The following ANK2 variants were observed in gnomAD, a reference collection of about 807,000 sequenced individuals.
ANK2 encodes ankyrin-2.
Under a neutral mutation model 360.5 loss-of-function variants are expected in ANK2, and 83 were observed. That is an observed-to-expected ratio of 0.23 (90% CI 0.19 to 0.28). The LOEUF is 0.28. Among genes scored for constraint, ANK2 ranks in the 10% least tolerant of loss-of-function variants. The pLI, the probability that ANK2 is intolerant of heterozygous loss-of-function variation, is 1.00. For synonymous variants in ANK2, 1,740 were observed against 1,759.5 expected (o/e 0.99, Z 0.28); for missense variants, 4,201 against 4,795.7 (o/e 0.88, Z 3.66).
At chr4:113,152,490 C>T (rs183484967) in intron 1 of ANK2, 3 of 152,230 alleles carry the variant, frequency 2.0e-5, no homozygotes, top group Non-Finnish European at 4.4e-5. Context: ...AAGGGTTTCT[C>T]TGTGAAATCT....
intron 42 of ANK2, among the ~76,000 whole-genome samples, chr4:113,368,234 A>G (rs567156409): frequency 6.0e-4 from 92 of 152,342 alleles, no homozygotes; most frequent in Non-Finnish European, 1.0e-3. Flanking sequence ...ATGACTTATA[A>G]TATTGCTGCA....
In ANK2 at chr4:113,369,928, C is replaced by T. The variant is rs918114626; in HGVS notation, c.11610+123C>T. On this transcript the variant is annotated intron_variant, in intron 43 of 45. Coordinates refer to ENST00000357077, the MANE Select transcript of ANK2 (RefSeq NM_001148.6). ...AAAAAAGTTAACCAAATTAATTAAC[C>T]TGGCACATGGAAACCCTCAATCCCT... is the stretch of plus-strand genomic sequence containing the variant. 3 of 1,203,714 alleles carry T rather than the reference C, an allele frequency of 2.5e-6. 1 individual carries two copies. In the South Asian group the frequency reaches 4.1e-5, roughly 16 times the overall value. 74.6% of individuals were successfully genotyped at this position (1,203,714 alleles called of 1,614,324 possible).
chr4:113,353,412 G>C lies in ANK2; in HGVS notation c.4794G>C (p.Glu1598Asp). 1.2e-6 allele frequency: 2 copies of C among 1,614,032 alleles called. No homozygotes were observed. The highest frequency in any genetic ancestry group is 1.7e-6 in the Non-Finnish European group (2 of 1,179,972). Residue 1598 changes from glutamate to aspartate, a missense_variant, in exon 38 of 46, where the codon GAG becomes GAC. Glu to Asp is a conservative substitution (Grantham distance 45). Around this residue, in one of 4 missense-constraint regions of ANK2, gnomAD observed 1,268 missense variants for 1,650.8 expected, o/e 0.77. Transcript: ENST00000357077. ...AGGAATGGGTTATTGTCAGTGATGA[G>C]GAAATAGAAGAGGCTAGGCAAAAAG... ...VEEEWVIVSD[E>D]EIEEARQKAP...
At chr4:113,246,373 T>C (rs1406120863) in intron 9 of ANK2, among the ~76,000 whole-genome samples, 1 of 152,206 alleles carries the variant, frequency 6.6e-6, no homozygotes, top group African/African-American at 2.4e-5. Context: ...TGAGGCATTT[T>C]CCATCTTGTT....
At chr4:113,286,893 C>T (rs2064907091) in intron 18 of ANK2, among the ~76,000 whole-genome samples, 1 of 152,148 alleles carries the variant, frequency 6.6e-6, no homozygotes, top group Non-Finnish European at 1.5e-5. Context: ...GTAAGGCTAC[C>T]AGAGTGTGAC....
At chr4:112,919,380 A>G (rs1472479763) in intron 2 of ANK2, among the ~76,000 whole-genome samples, 2 of 152,144 alleles carry the variant, frequency 1.3e-5, no homozygotes, top group African/African-American at 4.8e-5. Context: ...ATTATTTTAA[A>G]TTAAAAACTA....
At chr4:113,185,990 C>A (rs773157124) in intron 2 of ANK2, among the ~76,000 whole-genome samples, 1 of 152,198 alleles carries the variant, frequency 6.6e-6, no homozygotes, top group Non-Finnish European at 1.5e-5. Flanking sequence ...CAGACTTAAA[C>A]GTTCCTGCCT....
the ANK2 span, among the ~76,000 whole-genome samples, chr4:112,730,636 C>CAAAAAAAAAAAAAAAAAAAAA: frequency 1.7e-5 from 1 of 57,944 alleles, no homozygotes; most frequent in Non-Finnish European, 3.1e-5. Context: ...GACTCCATCT[C>CAAAAAAAAAAAAAAAAAAAAA]AAAAAAAAAA....
At chr4:113,077,826 C>A (rs1005487401) in intron 1 of ANK2, among the ~76,000 whole-genome samples, 1 of 152,146 alleles carries the variant, frequency 6.6e-6, no homozygotes, top group South Asian at 2.1e-4. Context: ...TAGCCTGAGC[C>A]CAAGCTTCTG....
chr4:113,187,533 T>C (rs1169185479), intron 2 of ANK2, among the ~76,000 whole-genome samples: 1 of 152,184 alleles, frequency 6.6e-6, no homozygotes, highest in Non-Finnish European at 1.5e-5. Flanking sequence ...TTTTGCAATA[T>C]GCAGACAGGA....
At chr4:113,290,751 T>C (rs2067140801) in intron 20 of ANK2, among the ~76,000 whole-genome samples, 1 of 152,220 alleles carries the variant, frequency 6.6e-6, no homozygotes, top group East Asian at 1.9e-4. Flanking sequence ...TTCATCAAAC[T>C]TGAAATCTTG....
chr4:113,075,116 T>C (rs575259128), intron 1 of ANK2, among the ~76,000 whole-genome samples: 4 of 152,224 alleles, frequency 2.6e-5, no homozygotes, highest in Admixed American at 2.0e-4. Flanking sequence ...TAATAAGATC[T>C]TTGTGTACAC....
At chr4:113,349,903 T>G (rs932159267) in intron 36 of ANK2, among the ~76,000 whole-genome samples, 4 of 152,140 alleles carry the variant, frequency 2.6e-5, no homozygotes, top group African/African-American at 9.7e-5. Context: ...ATACTTATTA[T>G]TCAATACTGA....
At chr4:112,869,601 T>A (rs1221461165) in intron 1 of ANK2, among the ~76,000 whole-genome samples, 1 of 152,214 alleles carries the variant, frequency 6.6e-6, no homozygotes, top group Non-Finnish European at 1.5e-5. Context: ...CTTAATAGTA[T>A]CTTTTGACAT....
At chr4:112,783,422 C>T in the ANK2 span, among the ~76,000 whole-genome samples, 1 of 152,116 alleles carries the variant, frequency 6.6e-6, no homozygotes, top group Non-Finnish European at 1.5e-5. Flanking sequence ...ATATCTCTTT[C>T]CAAGTGTATC....
chr4:113,241,729 T>C (rs1055191733), intron 8 of ANK2, among the ~76,000 whole-genome samples: 3 of 152,198 alleles, frequency 2.0e-5, no homozygotes, highest in African/African-American at 7.2e-5. Flanking sequence ...AAACTTAAGA[T>C]GCCAGACTCT....
At chr4:113,279,244 C>T (rs1000875117) in intron 17 of ANK2, among the ~76,000 whole-genome samples, 1 of 152,080 alleles carries the variant, frequency 6.6e-6, no homozygotes, top group Admixed American at 6.5e-5. Flanking sequence ...GAGAACACAT[C>T]AGGGTTTATT....
intron 34 of ANK2, among the ~76,000 whole-genome samples, chr4:113,344,123 G>A (rs1041930243): frequency 6.6e-6 from 1 of 152,126 alleles, no homozygotes; most frequent in African/African-American, 2.4e-5. Flanking sequence ...AGCAGTAACT[G>A]CTCAGAGGTA....
chr4:113,035,498 C>T (rs1017197662), intron 2 of ANK2, among the ~76,000 whole-genome samples: 6 of 151,830 alleles, frequency 4.0e-5, no homozygotes, highest in African/African-American at 1.2e-4. Flanking sequence ...TCTGGTAACT[C>T]GTCCTTAATA....
Sources: allele counts gnomAD v4.1 joint callset (sites outside exome capture counted in the v4.1 genomes callset), GRCh38; gene constraint gnomAD v4.1.1; regional missense constraint gnomAD v4.1.1; transcripts MANE v1.5; gene names NCBI Gene and HGNC (gene_info 2026-07-23, HGNC 2026-07-21).